The following TOX variants were observed in gnomAD, a reference collection of about 807,000 sequenced individuals.
TOX encodes the protein thymocyte selection-associated high mobility group box protein TOX.
A neutral mutation model predicts 53.7 loss-of-function variants in TOX; 11 were observed. That is an observed-to-expected ratio of 0.20 (90% CI 0.13 to 0.34). The LOEUF (loss-of-function observed/expected upper bound fraction) is 0.34, where lower values mean the gene tolerates loss of function less well. Ranked by LOEUF, TOX falls within the 10% of genes least tolerant of loss-of-function variation. TOX has a pLI of 1.00. For missense variants in TOX, 570 were observed against 664.6 expected, an observed-to-expected ratio of 0.86 and a Z score of 1.56; for synonymous variants, 225 against 245.3, an observed-to-expected ratio of 0.92 and a Z score of 0.77.
intron 1 of TOX, among the ~76,000 whole-genome samples, chr8:59,002,225 CG>C (rs1392408313): frequency 2.7e-5 from 4 of 147,878 alleles, no homozygotes; most frequent in African/African-American, 5.0e-5. Flanking sequence ...CTGCCCACCT[CG>C]GCCTCCCAAA....
intron 1 of TOX, among the ~76,000 whole-genome samples, chr8:59,016,331 C>T (rs1201967154): frequency 3.3e-5 from 5 of 151,968 alleles, no homozygotes; most frequent in Admixed American, 6.6e-5. Context: ...ACTCACTTTC[C>T]CCCCAAAACT....
intron 2 of TOX, among the ~76,000 whole-genome samples, chr8:58,950,602 G>GA (rs1480312604): frequency 6.6e-6 from 1 of 152,128 alleles, no homozygotes; most frequent in African/African-American, 2.4e-5. Flanking sequence ...AAAAATAGTT[G>GA]AAAAAATGAA....
chr8:58,902,265 T>C (rs1811744903), intron 3 of TOX, among the ~76,000 whole-genome samples: 1 of 152,212 alleles, frequency 6.6e-6, no homozygotes, highest in Admixed American at 6.5e-5. Flanking sequence ...TTGCATTTAC[T>C]TACTGGTCAC....
intron 1 of TOX, among the ~76,000 whole-genome samples, chr8:59,047,443 G>A (rs1803711041): frequency 1.3e-5 from 2 of 151,482 alleles, no homozygotes; most frequent in African/African-American, 4.9e-5. Flanking sequence ...TAGCCAGGAT[G>A]GTCTCGATCT....
intron 1 of TOX, among the ~76,000 whole-genome samples, chr8:59,111,075 T>C (rs187370184): frequency 2.0e-5 from 3 of 152,256 alleles, no homozygotes. Flanking sequence ...CACAGATGGA[T>C]TAAAGGTTTT....
intron 1 of TOX, among the ~76,000 whole-genome samples, chr8:59,085,797 AT>A (rs998154761): frequency 6.6e-6 from 1 of 152,094 alleles, no homozygotes; most frequent in African/African-American, 2.4e-5. Flanking sequence ...TGATCCTAGC[AT>A]TTTTATTATT....
At chr8:58,896,151 T>C (rs1811641147) in intron 3 of TOX, among the ~76,000 whole-genome samples, 1 of 152,120 alleles carries the variant, frequency 6.6e-6, no homozygotes. Flanking sequence ...AAAAGTGGGA[T>C]AAAATCTTCC....
At chr8:58,893,210 T>TC (rs11407581) in intron 3 of TOX, among the ~76,000 whole-genome samples, 80,009 of 151,736 alleles carry the variant, frequency 0.53, 21,441 homozygotes, top group African/African-American at 0.59. Flanking sequence ...ATCCATAATC[T>TC]CCCCCCCACA....
intron 1 of TOX, among the ~76,000 whole-genome samples, chr8:59,083,265 A>C (rs1804443537): frequency 6.6e-6 from 1 of 152,228 alleles, no homozygotes; most frequent in Non-Finnish European, 1.5e-5. Context: ...TTTTTATTAT[A>C]ATATTTATTT....
At chr8:59,031,953 G>A (rs1449758975) in intron 1 of TOX, among the ~76,000 whole-genome samples, 1 of 152,176 alleles carries the variant, frequency 6.6e-6, no homozygotes, top group South Asian at 2.1e-4. Context: ...CTAAAGATTT[G>A]TATGTGAATC....
chr8:58,931,889 T>C (rs189387661), intron 3 of TOX, among the ~76,000 whole-genome samples: 1 of 152,330 alleles, frequency 6.6e-6, no homozygotes, highest in East Asian at 1.9e-4. Flanking sequence ...GTCTGATTAC[T>C]TGGCTTAGAA....
rs1431813529 is a variant in TOX at position 59,017,411 on chromosome 8, AGGCACG to A, written c.103-57409_103-57404del. On this transcript the variant is annotated intron_variant, in intron 1 of 8. Transcript: ENST00000361421. ...ACAATATCCTTCAAAATGGTACCTG[AGGCACG>A]GTATCATCCCCTGGAGGGAAACAGC... is the stretch of plus-strand genomic sequence containing the variant. Among the ~76,000 whole-genome samples, 108 of 152,268 alleles carry A rather than the reference AGGCACG, an allele frequency of 7.1e-4. 1 individual carries two copies. Among genetic ancestry groups the A allele is most frequent in the African/African-American group, 2.4e-3 (101 of 41,546 alleles).
At chr8:59,033,994 C>T (rs1183555719) in intron 1 of TOX, among the ~76,000 whole-genome samples, 1 of 152,188 alleles carries the variant, frequency 6.6e-6, no homozygotes, top group East Asian at 1.9e-4. Flanking sequence ...TGTACCCAAA[C>T]AAAAATCTGC....
chr8:58,859,751 T>A (rs1363700010), intron 3 of TOX, among the ~76,000 whole-genome samples: 1 of 152,188 alleles, frequency 6.6e-6, no homozygotes, highest in African/African-American at 2.4e-5. Context: ...GGGCCCCTTA[T>A]TACTCAAGGA....
chr8:59,085,964 TTTTTC>T (rs1563441659), intron 1 of TOX, among the ~76,000 whole-genome samples: 3 of 133,042 alleles, frequency 2.3e-5, no homozygotes, highest in African/African-American at 3.4e-5. Context: ...TTTCTTTTTC[TTTTTC>T]TTTTCTTTTC....
rs1008137565 is a variant in TOX at position 59,027,456 on chromosome 8, T to A, written c.103-67448A>T. ...CTTATGTCATAGGAACAAGGTTTTT[T>A]TTTTTAAATTTTTCAATGAAAGATG... On this transcript the variant is annotated intron_variant, in intron 1 of 8. Transcript: ENST00000361421. 6.6e-5 allele frequency among the ~76,000 whole-genome samples: 10 copies of A among 152,184 alleles called. 1 individual carries two copies. The South Asian group carries it at 2.1e-3, about 32-fold the overall frequency.
At chr8:59,009,657 C>A (rs1449949873) in intron 1 of TOX, among the ~76,000 whole-genome samples, 1 of 152,182 alleles carries the variant, frequency 6.6e-6, no homozygotes, top group Non-Finnish European at 1.5e-5. Flanking sequence ...CAGGCTTGAG[C>A]CACCACGCCC....
At chr8:58,832,818 G>T (rs567204873) in intron 5 of TOX, among the ~76,000 whole-genome samples, 1 of 152,148 alleles carries the variant, frequency 6.6e-6, no homozygotes, top group Non-Finnish European at 1.5e-5. Flanking sequence ...TTCACGAGGC[G>T]TCAAACATAG....
chr8:58,870,635 A>G (rs374124926), intron 3 of TOX, among the ~76,000 whole-genome samples: 158 of 152,252 alleles, frequency 1.0e-3, no homozygotes, highest in African/African-American at 3.6e-3. Flanking sequence ...AAGACTTACT[A>G]TAAGACTTGC....
Sources: gnomAD v4.1 joint callset for allele counts (sites outside exome capture counted in the v4.1 genomes callset) on GRCh38, gnomAD v4.1.1 for gene constraint, MANE v1.5 for transcripts, NCBI Gene and HGNC (gene_info 2026-07-23, HGNC 2026-07-21) for gene names.